The following ZNF570 variants were observed in gnomAD, a reference collection of about 807,000 sequenced individuals.
ZNF570 encodes the protein zinc finger protein 570.
A neutral mutation model predicts 14.2 loss-of-function variants in ZNF570; 8 were observed. That is an observed-to-expected ratio of 0.56 (90% CI 0.33 to 1.02). The LOEUF (loss-of-function observed/expected upper bound fraction) is 1.02, where lower values mean the gene tolerates loss of function less well. Among genes scored for constraint, ZNF570 ranks in the 50% least tolerant of loss-of-function variants. The pLI is 0.03. For missense variants in ZNF570, 559 were observed against 624.9 expected (o/e 0.89, Z 1.12); for synonymous variants, 202 against 207.6 (o/e 0.97, Z 0.23).
At chr19:37,468,098 T>C, upstream of ZNF570, 1 of 675,294 alleles carries the variant, frequency 1.5e-6, no homozygotes, top group East Asian at 2.7e-5. Flanking sequence ...TGTTTTGTTT[T>C]TTTTGAGGCA....
chr19:37,485,291 C>T lies in ZNF570; in HGVS notation c.*58C>T. 1 of 1,449,966 alleles carries T rather than the reference C, an allele frequency of 6.9e-7. No homozygotes were observed. Among genetic ancestry groups the T allele is most frequent in the Non-Finnish European group, 9.2e-7 (1 of 1,092,732 alleles). The allele number at this position is 1,449,966 out of a possible 1,614,324, so 89.8% of individuals were successfully genotyped here. On this transcript the variant is annotated 3_prime_UTR_variant, in exon 5 of 5. Transcript: ENST00000330173. Reference sequence around the variant, plus strand: ...CTGTTTTTTATCTTTAATGTTGTCACCTTGGTCTGATTCATCTCACTCTGA... The same window carrying T: ...CTGTTTTTTATCTTTAATGTTGTCATCTTGGTCTGATTCATCTCACTCTGA...
At chr19:37,475,449 T>C (rs2042013386) in intron 2 of ZNF570, among the ~76,000 whole-genome samples, 1 of 152,218 alleles carries the variant, frequency 6.6e-6, no homozygotes, top group South Asian at 2.1e-4. Flanking sequence ...GGTATTGTTT[T>C]TGATCCCTTT....
intron 4 of ZNF570, among the ~76,000 whole-genome samples, chr19:37,481,300 G>A (rs982206986): frequency 1.4e-4 from 21 of 151,746 alleles, no homozygotes; most frequent in African/African-American, 5.1e-4. Context: ...ATTACAGGGC[G>A]TGCCACCACG....
In ZNF570 at chr19:37,486,690, A is replaced by G. The variant is rs556815143; in HGVS notation, c.*1457A>G. ...ACATAAATGGCAGTCTTTGTACTGTAGCTTAGTAGTTGTTATGAAGTCAGG... is the reference window on the plus strand; with the variant it reads ...ACATAAATGGCAGTCTTTGTACTGTGGCTTAGTAGTTGTTATGAAGTCAGG... On this transcript the variant is annotated 3_prime_UTR_variant, in exon 5 of 5. Transcript: ENST00000330173. 2.6e-5 allele frequency: 4 copies of G among 152,370 alleles called. No individual in the cohort carries two copies. The South Asian group carries it at 8.3e-4, about 32-fold the overall frequency. The allele number at this position is 152,370 out of a possible 1,614,324, so 9.4% of individuals were successfully genotyped here.
chr19:37,480,313 G>A (rs987678249), intron 4 of ZNF570, among the ~76,000 whole-genome samples: 10 of 151,840 alleles, frequency 6.6e-5, no homozygotes, highest in South Asian at 2.1e-4. Flanking sequence ...GTGAAACCCC[G>A]TCTCTACTAA....
chr19:37,472,120 T>C (rs1271889638), intron 2 of ZNF570, among the ~76,000 whole-genome samples: 1 of 152,042 alleles, frequency 6.6e-6, no homozygotes, highest in Non-Finnish European at 1.5e-5. Flanking sequence ...TTGGCCAGGA[T>C]GGTCTCTATC....
At chr19:37,482,853 C>A (rs962245571) in intron 4 of ZNF570, among the ~76,000 whole-genome samples, 2 of 151,310 alleles carry the variant, frequency 1.3e-5, no homozygotes, top group Non-Finnish European at 2.9e-5. Context: ...TTCTTTCTCT[C>A]TCTCTCTCTC....
chr19:37,476,930 T>G (rs1330406880), intron 4 of ZNF570, among the ~76,000 whole-genome samples: 2 of 152,046 alleles, frequency 1.3e-5, no homozygotes, highest in Admixed American at 6.6e-5. Flanking sequence ...GGTCTCAAAC[T>G]CCTGACCTCA....
chr19:37,484,996 T>C lies in ZNF570; in HGVS notation c.1374T>C (p.Thr458=). 1 of 1,614,126 alleles carries C rather than the reference T, an allele frequency of 6.2e-7. No individual in the cohort carries two copies. The highest frequency in any genetic ancestry group is 8.5e-7 in the Non-Finnish European group (1 of 1,180,000). Reference sequence around the variant, plus strand: ...CTTTTAGCAATGACTCGTCCCTTACTCAACATCAGCGAGTTCATACTGGAG... The same window carrying C: ...CTTTTAGCAATGACTCGTCCCTTACCCAACATCAGCGAGTTCATACTGGAG... ...GKAFSNDSSL[T]QHQRVHTGEK... is the part of the protein sequence containing the mutation. The change falls in exon 5 of 5, where the codon ACT becomes ACC. Residue 458 remains threonine (T), a synonymous_variant. Transcript: ENST00000330173.
upstream of ZNF570, chr19:37,467,792 A>G: frequency 7.9e-7 from 1 of 1,261,430 alleles, no homozygotes; most frequent in Non-Finnish European, 1.1e-6. Context: ...GTCCAGTGAC[A>G]TCTGAGGTCG....
intron 2 of ZNF570, among the ~76,000 whole-genome samples, chr19:37,471,309 G>A (rs917730678): frequency 2.0e-5 from 3 of 152,080 alleles, no homozygotes; most frequent in South Asian, 4.1e-4. Context: ...CACCGCACCC[G>A]GCCACTGCAC....
Position 37,484,153 on chromosome 19 carries a change from T to C in ZNF570, c.531T>C (p.Leu177=), listed in dbSNP as rs1326647429. ...GAAGTTTTCATCAGAACCCACTGCTTTGTACACAAAAGATAATCCCCAAAG... is the reference window on the plus strand; with the variant it reads ...GAAGTTTTCATCAGAACCCACTGCTCTGTACACAAAAGATAATCCCCAAAG... ...SWGSFHQNPL[L]CTQKIIPKEE... is the part of the protein sequence containing the mutation. Residue 177 remains leucine (L), a synonymous_variant, in exon 5 of 5, where the codon CTT becomes CTC. Transcript: ENST00000330173. 6.2e-7 allele frequency: 1 copy of C among 1,613,888 alleles called. No individual in the cohort carries two copies. Among genetic ancestry groups the C allele is most frequent in the Non-Finnish European group, 8.5e-7 (1 of 1,179,982 alleles).
upstream of ZNF570, chr19:37,469,350 T>G: frequency 2.1e-6 from 3 of 1,426,054 alleles, no homozygotes; most frequent in South Asian, 3.0e-5. Context: ...CGGAGGCAGC[T>G]GAGGCGCTTC....
chr19:37,484,347 G>A lies in ZNF570; in HGVS notation c.725G>A (p.Gly242Glu), dbSNP rs1057388496. Reference protein sequence around the residue: ...SLTLHQRIHTGEKPYKCIECG... With the variant: ...SLTLHQRIHTEEKPYKCIECG... ...ACTCTTCATCAAAGAATTCATACTG[G>A]AGAGAAACCCTATAAATGTATAGAG... Residue 242 changes from glycine (G) to glutamate (E), a missense_variant, in exon 5 of 5, where the codon GGA becomes GAA. Gly to Glu is a moderately conservative substitution (Grantham distance 98, BLOSUM62 -2). Coordinates refer to ENST00000330173, the MANE Select transcript of ZNF570 (RefSeq NM_144694.5). 4 of 1,613,946 alleles carry A rather than the reference G, an allele frequency of 2.5e-6. No individual in the cohort carries two copies. The highest frequency in any genetic ancestry group is 3.4e-6 in the Non-Finnish European group (4 of 1,180,034).
chr19:37,477,289 G>A (rs79736996), intron 4 of ZNF570, among the ~76,000 whole-genome samples: 5 of 21,666 alleles, frequency 2.3e-4, no homozygotes, highest in African/African-American at 1.4e-3. Context: ...GGAGGTTGTC[G>A]TGTGTGTGTG....
chr19:37,475,845 GT>G (rs1346912312), intron 2 of ZNF570, 35 bp from the exon 3 acceptor site: 3 of 1,589,296 alleles, frequency 1.9e-6, no homozygotes, highest in Non-Finnish European at 2.6e-6. Context: ...GGTGAATATG[GT>G]AAGAGATAAG....
At chr19:37,468,081 T>TTTG (rs1555845141), upstream of ZNF570, 2,140 of 696,558 alleles carry the variant, frequency 3.1e-3, 6 homozygotes, top group East Asian at 0.012. Flanking sequence ...GTTTTTTTTT[T>TTTG]TTTGTTTGTT....
At chr19:37,476,554 A>G in intron 4 of ZNF570, 120 bp downstream of exon 4, 1 of 1,353,372 alleles carries the variant, frequency 7.4e-7, no homozygotes, top group South Asian at 2.2e-5. Flanking sequence ...GTTTTCATAA[A>G]AATTTGGGGC....
At chr19:37,482,551 C>G (rs962076585) in intron 4 of ZNF570, among the ~76,000 whole-genome samples, 1 of 152,198 alleles carries the variant, frequency 6.6e-6, no homozygotes, top group Non-Finnish European at 1.5e-5. Context: ...CCCCCACGAT[C>G]CAGTCACCTC....
Sources: allele counts gnomAD v4.1 joint callset (sites outside exome capture counted in the v4.1 genomes callset), GRCh38; gene constraint gnomAD v4.1.1; transcripts MANE v1.5; gene names NCBI Gene and HGNC (gene_info 2026-07-23, HGNC 2026-07-21).